The following KSR1 variants were observed in gnomAD, a reference collection of about 807,000 sequenced individuals.
KSR1 encodes kinase suppressor of ras 1.
KSR1 carries 35 observed loss-of-function variants against 92.9 expected under a neutral mutation model. The observed-to-expected ratio is 0.38, with a 90% CI of 0.29 to 0.50. KSR1 has a LOEUF of 0.50. Ranked by LOEUF, KSR1 falls within the 20% of genes least tolerant of loss-of-function variation. The pLI is 0.94. For synonymous variants in KSR1, 467 were observed against 472.6 expected (o/e 0.99, Z 0.15); for missense variants, 972 against 1,158.5 (o/e 0.84, Z 2.34).
At chr17:27,520,779 C>T (rs997445517) in intron 1 of KSR1, among the ~76,000 whole-genome samples, 2 of 152,216 alleles carry the variant, frequency 1.3e-5, no homozygotes, top group Non-Finnish European at 2.9e-5. Context: ...GGGGCGGCCC[C>T]CTGCCAGTGG....
At chr17:27,576,103 C>T (rs922990669) in intron 2 of KSR1, among the ~76,000 whole-genome samples, 1 of 152,220 alleles carries the variant, frequency 6.6e-6, no homozygotes, top group Non-Finnish European at 1.5e-5. Context: ...CATTCCCCTC[C>T]TCCTTCAAAG....
At position 27,590,751 on chromosome 17, in the gene KSR1, T is replaced by A. The variant is rs879534799; in HGVS notation, c.1047-60T>A. 2.5e-5 allele frequency: 37 copies of A among 1,503,180 alleles called. 1 individual carries two copies. In the Admixed American group the frequency reaches 7.1e-4, roughly 29 times the overall value. 93.1% of individuals were successfully genotyped at this position (1,503,180 alleles called of 1,614,324 possible). On this transcript the variant is annotated intron_variant, in intron 6 of 20. Transcript: ENST00000644974. ...CCCTGGAGCTCCATGGGAAACCTTCTGTGGCTGGGCCTTGGCCTCCCAGCT... is the reference window on the plus strand; with the variant it reads ...CCCTGGAGCTCCATGGGAAACCTTCAGTGGCTGGGCCTTGGCCTCCCAGCT...
At chr17:27,468,008 G>A (rs1362428964) in intron 1 of KSR1, among the ~76,000 whole-genome samples, 2 of 151,794 alleles carry the variant, frequency 1.3e-5, no homozygotes, top group African/African-American at 4.8e-5. Flanking sequence ...TAGTAGAGAC[G>A]GGGTTTCACC....
In KSR1 at chr17:27,470,580, T is replaced by C. The variant is rs568746932; in HGVS notation, c.231+13706T>C. Reference sequence around the variant, plus strand: ...TAGTAGAGACAGGGTTTCACCATATTGGCCAGGCTGATCTCAAATTCCTGA... The same window carrying C: ...TAGTAGAGACAGGGTTTCACCATATCGGCCAGGCTGATCTCAAATTCCTGA... On this transcript the variant is annotated intron_variant, in intron 1 of 20. Coordinates refer to ENST00000644974, the MANE Select transcript of KSR1 (RefSeq NM_001394583.1). Among the ~76,000 whole-genome samples the C allele has an allele frequency of 1.2e-4, 19 of 152,246 alleles. No homozygotes were observed. The South Asian group carries it at 3.9e-3, about 32-fold the overall frequency.
intron 1 of KSR1, among the ~76,000 whole-genome samples, chr17:27,485,076 C>G (rs1452052823): frequency 6.6e-6 from 1 of 152,202 alleles, no homozygotes; most frequent in South Asian, 2.1e-4. Context: ...CTTCCTATAC[C>G]TGGCCCACTT....
chr17:27,474,084 A>G (rs1182958577), intron 1 of KSR1, among the ~76,000 whole-genome samples: 3 of 152,218 alleles, frequency 2.0e-5, no homozygotes, highest in Non-Finnish European at 4.4e-5. Context: ...CTAGACCCCT[A>G]AACCAGAGGG....
At chr17:27,480,875 C>A in intron 1 of KSR1, among the ~76,000 whole-genome samples, 1 of 152,142 alleles carries the variant, frequency 6.6e-6, no homozygotes, top group Non-Finnish European at 1.5e-5. Context: ...GATCTGGGCT[C>A]GATCCTCCTT....
chr17:27,590,019 C>A (rs1053878866), intron 6 of KSR1, among the ~76,000 whole-genome samples: 7 of 152,144 alleles, frequency 4.6e-5, no homozygotes, highest in African/African-American at 1.7e-4. Flanking sequence ...AATGGAGATA[C>A]AATTTATGTA....
At chr17:27,610,265 G>A in intron 17 of KSR1, 67 bp downstream of exon 17, 1 of 1,599,998 alleles carries the variant, frequency 6.3e-7, no homozygotes, top group Non-Finnish European at 8.5e-7. Context: ...GGCCATTGGG[G>A]GCAGAGGGAG....
Position 27,624,808 on chromosome 17 carries a change from T to A in KSR1, c.*1416T>A, listed in dbSNP as rs1047857196. 2 of 152,130 alleles carry A rather than the reference T, an allele frequency of 1.3e-5. No homozygotes were observed. Among genetic ancestry groups the A allele is most frequent in the Admixed American group, 1.3e-4 (2 of 15,272 alleles). The allele number at this position is 152,130 out of a possible 1,614,324, so 9.4% of individuals were successfully genotyped here. ...GGGGTGTGGCTCCCACCCCTTCCAG[T>A]TAAGACCTGCCTAGCAGAGCCCCAG... On this transcript the variant is annotated 3_prime_UTR_variant, in exon 21 of 21. Coordinates refer to ENST00000644974, the MANE Select transcript of KSR1 (RefSeq NM_001394583.1).
At chr17:27,479,457 C>A (rs553790599) in intron 1 of KSR1, among the ~76,000 whole-genome samples, 1 of 152,342 alleles carries the variant, frequency 6.6e-6, no homozygotes, top group South Asian at 2.1e-4. Flanking sequence ...GCACCCCTCA[C>A]CTCTCTTTGC....
chr17:27,603,752 G>A (rs2151225574), intron 11 of KSR1, 82 bp from the exon 12 acceptor site: 1 of 1,386,890 alleles, frequency 7.2e-7, no homozygotes, highest in Middle Eastern at 1.8e-4. Flanking sequence ...GCCTCTCTGG[G>A]GGTGCTGGGT....
Position 27,463,101 on chromosome 17 carries a change from G to A in KSR1, c.231+6227G>A, listed in dbSNP as rs150019637. Among the ~76,000 whole-genome samples, 362 of 152,264 alleles carry A rather than the reference G, an allele frequency of 2.4e-3. 1 individual carries two copies. The highest frequency in any genetic ancestry group is 3.8e-3 in the Non-Finnish European group (256 of 68,022). On this transcript the variant is annotated intron_variant, in intron 1 of 20. Coordinates refer to ENST00000644974, the MANE Select transcript of KSR1 (RefSeq NM_001394583.1). ...ATGAATACATTTAATATCTGTCCTC[G>A]TCTTTAATATCTTTATGGCATCATA...
intron 20 of KSR1, 39 bp from the exon 21 acceptor site, chr17:27,623,275 C>T (rs1326646812): frequency 6.6e-6 from 5 of 751,936 alleles, no homozygotes; most frequent in South Asian, 5.5e-5. Flanking sequence ...TGATGAAGAT[C>T]AATGGGGCTA....
At chr17:27,534,237 G>A (rs183480047) in intron 1 of KSR1, among the ~76,000 whole-genome samples, 3 of 152,352 alleles carry the variant, frequency 2.0e-5, no homozygotes, top group Admixed American at 6.5e-5. Context: ...GCCACGCCTG[G>A]CCTTGTCTAC....
chr17:27,515,608 G>C (rs986565184), intron 1 of KSR1, among the ~76,000 whole-genome samples: 3 of 140,836 alleles, frequency 2.1e-5, no homozygotes, highest in African/African-American at 5.3e-5. Context: ...GGTCTGCTTC[G>C]TAGTTTTTTT....
intron 1 of KSR1, among the ~76,000 whole-genome samples, chr17:27,537,677 C>T (rs1304328082): frequency 1.3e-5 from 2 of 152,076 alleles, no homozygotes; most frequent in Non-Finnish European, 2.9e-5. Context: ...GCAACAAGAA[C>T]GAAACTCCAT....
intron 6 of KSR1, among the ~76,000 whole-genome samples, chr17:27,589,113 C>T (rs1044830820): frequency 6.6e-6 from 1 of 152,216 alleles, no homozygotes. Context: ...TTGGCGTCCC[C>T]TGCCACCGGA....
At chr17:27,555,219 T>C (rs956647914) in intron 2 of KSR1, among the ~76,000 whole-genome samples, 1 of 152,110 alleles carries the variant, frequency 6.6e-6, no homozygotes, top group Non-Finnish European at 1.5e-5. Flanking sequence ...TCCCTTAGGA[T>C]TGGGGGGTAT....
Sources: gnomAD v4.1 joint callset for allele counts (sites outside exome capture counted in the v4.1 genomes callset) on GRCh38, gnomAD v4.1.1 for gene constraint, MANE v1.5 for transcripts, NCBI Gene and HGNC (gene_info 2026-07-23, HGNC 2026-07-21) for gene names.